LIPI: variants seen among roughly 807,000 people sequenced by gnomAD.
LIPI encodes lipase member I.
Under a neutral mutation model 50.6 loss-of-function variants are expected in LIPI, and 59 were observed. The ratio of observed to expected loss-of-function variants is 1.16; its 90% CI spans 0.94 to 1.45. The LOEUF is 1.45. Among genes scored for constraint, LIPI ranks in the 40% most tolerant of loss-of-function variants. The pLI is 0.00. For missense variants in LIPI, 586 were observed against 536.3 expected (o/e 1.09, Z -0.92); for synonymous variants, 203 against 178.2 (o/e 1.14, Z -1.11).
At chr21:14,158,631 A>G (rs946661508) in intron 7 of LIPI, among the ~76,000 whole-genome samples, 4 of 148,558 alleles carry the variant, frequency 2.7e-5, no homozygotes, top group Non-Finnish European at 3.0e-5. Flanking sequence ...GTGTAGAAAT[A>G]TATATATAGA....
At chr21:14,146,772 ATTTTTTTTTTTTTTTT>A in intron 8 of LIPI, among the ~76,000 whole-genome samples, 1 of 73,372 alleles carries the variant, frequency 1.4e-5, no homozygotes, top group South Asian at 5.5e-4. Flanking sequence ...CCCAGTCTCT[ATTTTTTTTTTTTTTTT>A]TTTTTTTTTT....
At chr21:14,136,993 C>T (rs2017523232) in intron 9 of LIPI, among the ~76,000 whole-genome samples, 1 of 152,074 alleles carries the variant, frequency 6.6e-6, no homozygotes, top group Non-Finnish European at 1.5e-5. Context: ...CTATGAGTCT[C>T]CAAGAACCAC....
chr21:14,112,764 T>G (rs375245849), intron 9 of LIPI, among the ~76,000 whole-genome samples: 3 of 152,224 alleles, frequency 2.0e-5, no homozygotes, highest in East Asian at 3.9e-4. Context: ...AGGCAATATA[T>G]TATGAATCTT....
At chr21:14,117,271 C>T (rs1041351340) in intron 9 of LIPI, among the ~76,000 whole-genome samples, 2 of 152,114 alleles carry the variant, frequency 1.3e-5, no homozygotes, top group South Asian at 4.1e-4. Context: ...ACGGAAAAAC[C>T]CCAGGCTCTT....
At chr21:14,148,719 A>G (rs2017990252) in intron 8 of LIPI, among the ~76,000 whole-genome samples, 1 of 152,202 alleles carries the variant, frequency 6.6e-6, no homozygotes, top group Non-Finnish European at 1.5e-5. Flanking sequence ...CAATGACAGA[A>G]TCACCTAAAT....
In LIPI at chr21:14,181,952, AG is replaced by A. The variant is rs931900654; in HGVS notation, c.542-94del. ...TTATTACTGCATTATAAACATAAAA[AG>A]CATTTATACTTTTAGTTTAAACCTA... On this transcript the variant is annotated intron_variant, in intron 3 of 9. Coordinates refer to ENST00000681601, the MANE Select transcript of LIPI (RefSeq NM_001302998.2). The A allele has an allele frequency of 1.6e-5, 12 of 738,880 alleles. No homozygotes were observed. In the African/African-American group the frequency reaches 1.7e-4, roughly 11 times the overall value. The allele number at this position is 738,880 out of a possible 1,614,324, so 45.8% of individuals were successfully genotyped here.
chr21:14,138,897 A>G lies in LIPI; in HGVS notation c.1295+5726T>C, dbSNP rs998145527. On this transcript the variant is annotated intron_variant, in intron 9 of 9. Transcript: ENST00000681601. Reference sequence around the variant, plus strand: ...ATATTACATTCTTTATAAATATTACATTATTTAATCTTCTTAACAATTCTG... The same window carrying G: ...ATATTACATTCTTTATAAATATTACGTTATTTAATCTTCTTAACAATTCTG... Among the ~76,000 whole-genome samples the G allele has an allele frequency of 9.9e-5, 15 of 152,206 alleles. No homozygotes were observed. In the East Asian group the frequency reaches 2.3e-3, roughly 23 times the overall value.
rs2018512071 is a variant in LIPI, at chr21:14,161,930, CTATT to C, written c.1006+1485_1006+1488del. Reference sequence around the variant, plus strand: ...ATAACATATAGATATATGTATTTCTCTATTTATAGATATATAGATATATTATTTC... The same window carrying C: ...ATAACATATAGATATATGTATTTCTCTATAGATATATAGATATATTATTTC... On this transcript the variant is annotated intron_variant, in intron 7 of 9. Transcript: ENST00000681601. Among the ~76,000 whole-genome samples, 4 of 125,418 alleles carry C rather than the reference CTATT, an allele frequency of 3.2e-5. No homozygotes were observed. In the South Asian group the frequency reaches 9.5e-4, roughly 30 times the overall value. The allele number at this position is 125,418 out of a possible 152,430, so 82.3% of individuals were successfully genotyped here. A position where few individuals can be genotyped will look rare whatever the true frequency, so the allele number is the denominator to read the frequency against.
chr21:14,196,990 GA>G (rs2019885746), intron 1 of LIPI, among the ~76,000 whole-genome samples: 1 of 150,782 alleles, frequency 6.6e-6, no homozygotes, highest in South Asian at 2.1e-4. Flanking sequence ...TTAAAACCTG[GA>G]ATAACCCTAA....
chr21:14,146,772 A>ACTTTTT (rs2017920666), intron 8 of LIPI, among the ~76,000 whole-genome samples: 3 of 73,372 alleles, frequency 4.1e-5, no homozygotes, highest in East Asian at 3.6e-4. Flanking sequence ...CCCAGTCTCT[A>ACTTTTT]TTTTTTTTTT....
At chr21:14,183,829 G>C (rs1468564629) in intron 3 of LIPI, among the ~76,000 whole-genome samples, 1 of 152,182 alleles carries the variant, frequency 6.6e-6, no homozygotes, top group East Asian at 1.9e-4. Context: ...GGAAACAATA[G>C]GTGCTGGAGA....
intron 9 of LIPI, among the ~76,000 whole-genome samples, chr21:14,126,290 A>C (rs976579050): frequency 3.3e-5 from 5 of 152,244 alleles, no homozygotes; most frequent in Non-Finnish European, 5.9e-5. Context: ...AAAAACTGCA[A>C]GCAAACCATA....
intron 9 of LIPI, among the ~76,000 whole-genome samples, chr21:14,134,273 T>A (rs12482173): frequency 0.49 from 74,766 of 151,728 alleles, 18,560 homozygotes; most frequent in South Asian, 0.57. Context: ...TAACAACAAA[T>A]TACTGATGAG....
At chr21:14,165,734 T>C (rs1416453535) in intron 5 of LIPI, among the ~76,000 whole-genome samples, 1 of 152,214 alleles carries the variant, frequency 6.6e-6, no homozygotes, top group Non-Finnish European at 1.5e-5. Context: ...CATTTCCACC[T>C]AATGACAAAG....
intron 9 of LIPI, 127 bp from the exon 10 acceptor site, chr21:14,109,207 G>A (rs1289571101): frequency 1.4e-6 from 1 of 740,658 alleles, no homozygotes; most frequent in Non-Finnish European, 2.3e-6. Flanking sequence ...AATGTAGGGA[G>A]TTGGAACAAA....
At chr21:14,120,087 G>A (rs113220472) in intron 9 of LIPI, among the ~76,000 whole-genome samples, 8 of 152,150 alleles carry the variant, frequency 5.3e-5, no homozygotes, top group East Asian at 3.8e-4. Context: ...GGAAGCCCCC[G>A]TTATGTGCCC....
At chr21:14,149,659 C>A (rs2018020710) in intron 8 of LIPI, among the ~76,000 whole-genome samples, 1 of 152,204 alleles carries the variant, frequency 6.6e-6, no homozygotes, top group Non-Finnish European at 1.5e-5. Flanking sequence ...TAAATACACC[C>A]ATTCCAAATG....
Position 14,149,334 on chromosome 21 carries a change from T to A in LIPI, c.1118+3239A>T, listed in dbSNP as rs117681968. 5.4e-3 allele frequency among the ~76,000 whole-genome samples: 824 copies of A among 152,284 alleles called. 8 individuals carry two copies. Among genetic ancestry groups the A allele is most frequent in the Non-Finnish European group, 9.0e-3 (612 of 68,014 alleles). On this transcript the variant is annotated intron_variant, in intron 8 of 9. Coordinates refer to ENST00000681601, the MANE Select transcript of LIPI (RefSeq NM_001302998.2). ...AATAATATAGGGGAAACCACCCCTGTGATTCAATTATCTCCACCTGGTCCC... is the reference window on the plus strand; with the variant it reads ...AATAATATAGGGGAAACCACCCCTGAGATTCAATTATCTCCACCTGGTCCC...
chr21:14,157,965 AT>A (rs2018330069), intron 7 of LIPI, among the ~76,000 whole-genome samples: 1 of 151,846 alleles, frequency 6.6e-6, no homozygotes, highest in African/African-American at 2.4e-5. Context: ...ATGAAGAAAA[AT>A]TATGTCCAAG....
Sources: allele counts gnomAD v4.1 joint callset (sites outside exome capture counted in the v4.1 genomes callset), GRCh38; gene constraint gnomAD v4.1.1; transcripts MANE v1.5; gene names NCBI Gene and HGNC (gene_info 2026-07-23, HGNC 2026-07-21).